The following MYH3 variants were observed in gnomAD, a reference collection of about 807,000 sequenced individuals.
MYH3 encodes the protein myosin-3.
MYH3 carries 130 observed loss-of-function variants against 238.0 expected under a neutral mutation model. That is an observed-to-expected ratio of 0.55 (90% CI 0.47 to 0.63). MYH3 has a LOEUF of 0.63. Ranked by LOEUF, MYH3 falls within the 30% of genes least tolerant of loss-of-function variation. The pLI, the probability that MYH3 is intolerant of heterozygous loss-of-function variation, is 0.00. For synonymous variants in MYH3, 880 were observed against 924.1 expected, an observed-to-expected ratio of 0.95 and a Z score of 0.86; for missense variants, 1,853 against 2,374.9, an observed-to-expected ratio of 0.78 and a Z score of 4.57.
Position 10,651,599 on chromosome 17 carries a change from C to A in MYH3, c.418G>T (p.Val140Leu). Reference protein sequence around the residue: ...KWLPVYNPEVVEGYRGKKRQE... With the variant: ...KWLPVYNPEVLEGYRGKKRQE... ...CGCTTTTTGCCTCGGTAGCCTTCCA[C>A]CACCTCGGGGTTGTACACCGGCAGC... The change falls in exon 5 of 41, where the codon GTG (valine) becomes TTG (leucine). Residue 140 changes from valine to leucine, a missense_variant. Val to Leu is a conservative substitution (Grantham distance 32). This residue lies in a region of MYH3 where 678 missense variants were observed against 1,058.9 expected (regional missense o/e 0.64). Coordinates refer to ENST00000583535, the MANE Select transcript of MYH3 (RefSeq NM_002470.4). 1.2e-6 allele frequency: 2 copies of A among 1,614,124 alleles called. No individual in the cohort carries two copies. Among genetic ancestry groups the A allele is most frequent in the Non-Finnish European group, 1.7e-6 (2 of 1,180,008 alleles).
chr17:10,660,678 G>GGA (rs2074474411), upstream of MYH3, among the ~76,000 whole-genome samples: 1 of 134,366 alleles, frequency 7.4e-6, no homozygotes, highest in African/African-American at 2.7e-5. Context: ...CTCTGACTCG[G>GGA]AAAAAAAAAA....
At chr17:10,636,554 T>C (rs1187465356) in intron 28 of MYH3, among the ~76,000 whole-genome samples, 1 of 152,064 alleles carries the variant, frequency 6.6e-6, no homozygotes. Context: ...TATGCTTACA[T>C]AGAGGTAAGA....
chr17:10,633,900 T>G, intron 32 of MYH3, 117 bp downstream of exon 32: 1 of 1,474,840 alleles, frequency 6.8e-7, no homozygotes, highest in Non-Finnish European at 9.4e-7. Flanking sequence ...ACTTTCTGCA[T>G]GTGCATTAAC....
At chr17:10,665,179 G>C in the MYH3 span, among the ~76,000 whole-genome samples, 3 of 151,840 alleles carry the variant, frequency 2.0e-5, no homozygotes, top group Non-Finnish European at 4.4e-5. Flanking sequence ...GTCTTGCTCT[G>C]TCGTCCAGGC....
intron 36 of MYH3, among the ~76,000 whole-genome samples, chr17:10,630,659 G>A (rs899107602): frequency 1.3e-5 from 2 of 152,184 alleles, no homozygotes; most frequent in African/African-American, 4.8e-5. Flanking sequence ...AGACCAGCCT[G>A]CTCAACATGG....
At chr17:10,664,062 TA>T in the MYH3 span, among the ~76,000 whole-genome samples, 201 of 63,346 alleles carry the variant, frequency 3.2e-3, no homozygotes, top group Middle Eastern at 9.8e-3. Context: ...GACTCCGTCT[TA>T]AAAAAAAAAA....
At chr17:10,644,542 C>A (rs781690778) in intron 13 of MYH3, 42 bp from the exon 14 acceptor site, 27 of 1,613,588 alleles carry the variant, frequency 1.7e-5, no homozygotes, top group Non-Finnish European at 2.3e-5. Context: ...AAGGAAGTGG[C>A]CAGCAGGGTC....
In MYH3 at chr17:10,639,009, C is replaced by G. The variant is rs1274736254; in HGVS notation, c.3248+35G>C. 7 of 1,614,078 alleles carry G rather than the reference C, an allele frequency of 4.3e-6. No homozygotes were observed. In the African/African-American group the frequency reaches 9.3e-5, roughly 22 times the overall value. On this transcript the variant is annotated intron_variant, in intron 25 of 40. Transcript: ENST00000583535. ...TGCATGAAGACAAAATACACAGTAA[C>G]TTGCAAAATGGAAGCCAGTGGTTGA...
At chr17:10,664,259 C>G in the MYH3 span, among the ~76,000 whole-genome samples, 1 of 152,052 alleles carries the variant, frequency 6.6e-6, no homozygotes, top group Non-Finnish European at 1.5e-5. Flanking sequence ...ATTGGTTCAT[C>G]TAATGCTCAT....
In MYH3 at chr17:10,638,273, T is replaced by C; in HGVS notation, c.3499A>G (p.Lys1167Glu). Residue 1167 changes from lysine to glutamate, a missense_variant, in exon 27 of 41, where the codon AAG (lysine) becomes GAG (glutamate). Transcript: ENST00000583535. ...VTSTQIELNK[K>E]REAEFLKLRR... Reference sequence around the variant, plus strand: ...AGCTTCAGGAACTCCGCCTCCCGCTTCTTGTTGAGCTCTATCTGCGTGGAG... The same window carrying C: ...AGCTTCAGGAACTCCGCCTCCCGCTCCTTGTTGAGCTCTATCTGCGTGGAG... The C allele has an allele frequency of 5.0e-6, 8 of 1,613,792 alleles. No homozygotes were observed. The highest frequency in any genetic ancestry group is 6.8e-6 in the Non-Finnish European group (8 of 1,179,996).
At position 10,638,424 on chromosome 17, in the gene MYH3, A is replaced by G. The variant is rs201626; in HGVS notation, c.3348T>C (p.Ile1116=). ...QKKIKELQAR[I]EELEEEIEAE... is the part of the protein sequence containing the mutation. Reference sequence around the variant, plus strand: ...CCTCTATCTCCTCTTCCAGCTCCTCAATTCGAGCCTGTGGAGGGCAGCCGT... The same window carrying G: ...CCTCTATCTCCTCTTCCAGCTCCTCGATTCGAGCCTGTGGAGGGCAGCCGT... Residue 1116 remains isoleucine, a synonymous_variant, in exon 27 of 41, where the codon ATT becomes ATC. Transcript: ENST00000583535. The G allele has an allele frequency of 0.12, 198,897 of 1,599,252 alleles. 20,966 individuals carry two copies. Among genetic ancestry groups the G allele is most frequent in the East Asian group, 0.6 (26,972 of 44,762 alleles).
chr17:10,644,865 A>C (rs2074305572), intron 12 of MYH3, among the ~76,000 whole-genome samples, 163 bp from the exon 13 acceptor site: 1 of 152,214 alleles, frequency 6.6e-6, no homozygotes, highest in Non-Finnish European at 1.5e-5. Context: ...CAGAGAATAT[A>C]ATGGACTTTA....
chr17:10,637,879 G>A lies in MYH3; in HGVS notation c.3786C>T (p.Gly1262=), dbSNP rs529345781. 42 of 1,613,924 alleles carry A rather than the reference G, an allele frequency of 2.6e-5. No homozygotes were observed. Among genetic ancestry groups the A allele is most frequent in the Non-Finnish European group, 3.5e-5 (41 of 1,180,020 alleles). The change falls in exon 28 of 41, where the codon GGC becomes GGT. Residue 1262 remains glycine (G), a synonymous_variant. Coordinates refer to ENST00000583535, the MANE Select transcript of MYH3 (RefSeq NM_002470.4). ...GGCTCCTCTGAATTTCCTCATTCTT[G>A]CCCCTGGCCTCACTTAACTGATCCT... is the stretch of plus-strand genomic sequence containing the variant. ...TLEDQLSEAR[G]KNEEIQRSLS...
the MYH3 span, among the ~76,000 whole-genome samples, chr17:10,670,314 C>T: frequency 6.6e-6 from 1 of 152,232 alleles, no homozygotes; most frequent in African/African-American, 2.4e-5. The surrounding 1 kb of genome is among the most constrained non-coding windows in gnomAD (Gnocchi z 7.0). Flanking sequence ...AACATTTGAG[C>T]CTGGCCACGG....
chr17:10,669,487 A>G, the MYH3 span, among the ~76,000 whole-genome samples: 2 of 151,626 alleles, frequency 1.3e-5, no homozygotes, highest in Admixed American at 1.3e-4. Flanking sequence ...GAATCGCTTG[A>G]ACCTGGGAGA....
In MYH3 at chr17:10,639,822, T is replaced by A. The variant is rs1443786856; in HGVS notation, c.2683-20A>T. The A allele has an allele frequency of 6.2e-7, 1 of 1,612,924 alleles. No homozygotes were observed. Among genetic ancestry groups the A allele is most frequent in the African/African-American group, 1.3e-5 (1 of 74,866 alleles). ...GCTTTCCTTAAAAAAAAAAGAATAA[T>A]AACTTCGTTGAATGATATAAGGTTT... On this transcript the variant is annotated intron_variant, in intron 22 of 40. Coordinates refer to ENST00000583535, the MANE Select transcript of MYH3 (RefSeq NM_002470.4).
intron 40 of MYH3, among the ~76,000 whole-genome samples, 193 bp from the exon 41 acceptor site, chr17:10,628,872 C>G (rs1470646640): frequency 6.6e-6 from 1 of 152,194 alleles, no homozygotes; most frequent in Non-Finnish European, 1.5e-5. Context: ...TCCGAAAGAG[C>G]AAGCCCCAAA....
upstream of MYH3, among the ~76,000 whole-genome samples, chr17:10,662,251 T>G (rs2074485724): frequency 6.6e-6 from 1 of 152,050 alleles, no homozygotes; most frequent in Admixed American, 6.6e-5. Flanking sequence ...CAAATTCCTG[T>G]CCTCAAATGA....
intron 9 of MYH3, 39 bp downstream of exon 9, chr17:10,647,324 A>T: frequency 6.2e-7 from 1 of 1,613,644 alleles, no homozygotes; most frequent in Non-Finnish European, 8.5e-7. Flanking sequence ...GTTCCCAGTT[A>T]ACTCTGAGAC....
Sources: allele counts gnomAD v4.1 joint callset (sites outside exome capture counted in the v4.1 genomes callset), GRCh38; gene constraint gnomAD v4.1.1; regional missense constraint gnomAD v4.1.1; non-coding constraint Gnocchi (gnomAD v3.1); transcripts MANE v1.5; gene names NCBI Gene and HGNC (gene_info 2026-07-23, HGNC 2026-07-21).